The following CATSPERE variants were observed in gnomAD, a reference collection of about 807,000 sequenced individuals.
CATSPERE encodes cation channel sperm-associated auxiliary subunit epsilon.
In CATSPERE, 93 loss-of-function variants were observed where a neutral mutation model predicts 114.1. The observed-to-expected ratio is 0.81, with a 90% CI of 0.69 to 0.97. CATSPERE has a LOEUF of 0.97. CATSPERE is among the 50% of genes least tolerant of loss of function. The pLI is 0.00. For synonymous variants in CATSPERE, 341 were observed against 384.1 expected, an observed-to-expected ratio of 0.89 and a Z score of 1.31; for missense variants, 1,058 against 1,131.6, an observed-to-expected ratio of 0.93 and a Z score of 0.93.
chr1:244,482,846 T>G (rs535778046), intron 5 of CATSPERE, among the ~76,000 whole-genome samples: 1 of 152,298 alleles, frequency 6.6e-6, no homozygotes, highest in South Asian at 2.1e-4. Flanking sequence ...AATGAATGAT[T>G]CCTTGCTTTT....
At chr1:244,551,790 C>T (rs1216122455) in intron 8 of CATSPERE, among the ~76,000 whole-genome samples, 3 of 152,056 alleles carry the variant, frequency 2.0e-5, no homozygotes, top group South Asian at 2.1e-4. Flanking sequence ...TGAGGCCAGG[C>T]GCGGTGGCTC....
chr1:244,621,160 A>AT, intron 20 of CATSPERE, among the ~76,000 whole-genome samples: 4 of 111,640 alleles, frequency 3.6e-5, no homozygotes, highest in Non-Finnish European at 6.6e-5. Context: ...TATAAAATAT[A>AT]TATATTATAT....
intron 19 of CATSPERE, 117 bp downstream of exon 19, chr1:244,610,443 C>T: frequency 1.3e-6 from 1 of 743,722 alleles, no homozygotes; most frequent in South Asian, 1.5e-5. Flanking sequence ...TAAATCAAAT[C>T]CTATTTTTAT....
chr1:244,555,741 A>G (rs1481247508), intron 9 of CATSPERE, among the ~76,000 whole-genome samples: 2 of 152,260 alleles, frequency 1.3e-5, no homozygotes, highest in African/African-American at 2.4e-5. Flanking sequence ...GTTGAAGGAT[A>G]TAAAATCAGC....
rs1665047472 is a variant in CATSPERE, at chr1:244,575,160, T to C, written c.1950+2388T>C. Reference sequence around the variant, plus strand: ...TGTCTCTCCTGTTTCTTTCTGATTTTCCTTTTTACTTTCTCCCTTCCTCTC... The same window carrying C: ...TGTCTCTCCTGTTTCTTTCTGATTTCCCTTTTTACTTTCTCCCTTCCTCTC... On this transcript the variant is annotated intron_variant, in intron 11 of 21. Coordinates refer to ENST00000366534, the MANE Select transcript of CATSPERE (RefSeq NM_001130957.2). This position sits in a 1 kb window ranked among gnomAD's most constrained non-coding sequence, Gnocchi z 4.5. Among the ~76,000 whole-genome samples the C allele has an allele frequency of 6.6e-6, 1 of 152,240 alleles. No individual in the cohort carries two copies. Among genetic ancestry groups the C allele is most frequent in the Non-Finnish European group, 1.5e-5 (1 of 68,044 alleles).
chr1:244,509,963 C>G (rs1343083899), intron 7 of CATSPERE, among the ~76,000 whole-genome samples: 1 of 152,086 alleles, frequency 6.6e-6, no homozygotes, highest in East Asian at 1.9e-4. Flanking sequence ...CGAGTCTTCT[C>G]TCTTTTTTTC....
At chr1:244,536,935 GT>G (rs36070112) in intron 8 of CATSPERE, among the ~76,000 whole-genome samples, 18,362 of 150,642 alleles carry the variant, frequency 0.12, 1,845 homozygotes, top group African/African-American at 0.28. Flanking sequence ...AGTTCCAGGA[GT>G]TTTTTTTTTT....
chr1:244,529,472 A>G (rs982005496), intron 8 of CATSPERE, among the ~76,000 whole-genome samples: 1 of 152,140 alleles, frequency 6.6e-6, no homozygotes, highest in African/African-American at 2.4e-5. Context: ...TTCACCTAAG[A>G]AATGTCTATT....
intron 14 of CATSPERE, 44 bp from the exon 15 acceptor site, chr1:244,591,637 T>A (rs766946640): frequency 2.5e-6 from 3 of 1,205,180 alleles, no homozygotes; most frequent in Non-Finnish European, 2.4e-6. Context: ...TTGCAAATAT[T>A]TAAGAAATGA....
rs12043167 is a variant in CATSPERE at position 244,629,012 on chromosome 1, G to A, written c.2649-6477G>A. ...CACTCAGTTATAAGAGGCAACCCAGGTTTCATGGTTACTTGGTGTTTGGGG... is the reference window on the plus strand; with the variant it reads ...CACTCAGTTATAAGAGGCAACCCAGATTTCATGGTTACTTGGTGTTTGGGG... On this transcript the variant is annotated intron_variant, in intron 20 of 21. Transcript: ENST00000366534. 2.0e-4 allele frequency among the ~76,000 whole-genome samples: 30 copies of A among 152,278 alleles called. No homozygotes were observed. The East Asian group carries it at 4.8e-3, about 24-fold the overall frequency.
At chr1:244,459,613 A>C (rs1666474516), upstream of CATSPERE, among the ~76,000 whole-genome samples, 1 of 152,238 alleles carries the variant, frequency 6.6e-6, no homozygotes, top group Non-Finnish European at 1.5e-5. Flanking sequence ...GAAAAACTAT[A>C]GTATACAGTT....
intron 7 of CATSPERE, among the ~76,000 whole-genome samples, chr1:244,502,431 C>T (rs1355137312): frequency 6.6e-6 from 1 of 152,042 alleles, no homozygotes. Context: ...TTAATTAGAG[C>T]ATTAAGTTCG....
intron 5 of CATSPERE, among the ~76,000 whole-genome samples, chr1:244,480,641 T>TTCGATAAAACTACAG: frequency 6.6e-6 from 1 of 151,526 alleles, no homozygotes; most frequent in Non-Finnish European, 1.5e-5. Context: ...TGGTTGTTGC[T>TTCGATAAAACTACAG]GATAGTTTTA....
rs781687138 is a variant in CATSPERE, at chr1:244,461,452, T to G, written c.23T>G (p.Val8Gly). The G allele has an allele frequency of 3.6e-6, 5 of 1,376,800 alleles. No homozygotes were observed. In the Admixed American group the frequency reaches 1.5e-4, roughly 42 times the overall value. The allele number at this position is 1,376,800 out of a possible 1,614,324, so 85.3% of individuals were successfully genotyped here. Residue 8 changes from valine to glycine, a missense_variant, in exon 1 of 22, where the codon GTG (valine) becomes GGG (glycine). Val to Gly is a moderately radical substitution (Grantham distance 109). This residue lies in a region of CATSPERE where 271 missense variants were observed against 225.9 expected (regional missense o/e 1.20). Coordinates refer to ENST00000366534, the MANE Select transcript of CATSPERE (RefSeq NM_001130957.2). MSAREVA[V>G]LLLWLSCYGS... The stretch of plus-strand genomic sequence containing the variant: ...GCCATGTCAGCCCGGGAAGTGGCCG[T>G]GCTGCTGCTGTGGCTGAGCTGCTAT...
At chr1:244,529,805 GGA>G (rs1679301784) in intron 8 of CATSPERE, among the ~76,000 whole-genome samples, 2 of 152,076 alleles carry the variant, frequency 1.3e-5, no homozygotes, top group South Asian at 2.1e-4. Context: ...CCAATGTTCT[GGA>G]GAGTTTCCTA....
chr1:244,601,094 A>T (rs78975676), intron 17 of CATSPERE, among the ~76,000 whole-genome samples: 1 of 152,198 alleles, frequency 6.6e-6, no homozygotes, highest in East Asian at 1.9e-4. Flanking sequence ...TATTTTAAAA[A>T]TTTTGAAATT....
Position 244,461,506 on chromosome 1 carries a change from C to G in CATSPERE, c.65+12C>G. On this transcript the variant is annotated intron_variant, in intron 1 of 21. Transcript: ENST00000366534. Reference sequence around the variant, plus strand: ...TCCGCCCTTTGGAGGTAGAGAGACGCCAGTCGCAGGCGAGCGACTAGGCGG... The same window carrying G: ...TCCGCCCTTTGGAGGTAGAGAGACGGCAGTCGCAGGCGAGCGACTAGGCGG... The G allele has an allele frequency of 7.7e-7, 1 of 1,305,590 alleles. No homozygotes were observed. The highest frequency in any genetic ancestry group is 9.8e-7 in the Non-Finnish European group (1 of 1,017,948). The allele number at this position is 1,305,590 out of a possible 1,614,324, so 80.9% of individuals were successfully genotyped here.
At chr1:244,613,063 A>G (rs1670947115) in intron 19 of CATSPERE, among the ~76,000 whole-genome samples, 1 of 152,240 alleles carries the variant, frequency 6.6e-6, no homozygotes, top group Non-Finnish European at 1.5e-5. Context: ...CTGCATGTCT[A>G]TATACAAAAA....
chr1:244,613,909 A>G (rs1245785332), intron 19 of CATSPERE, among the ~76,000 whole-genome samples: 1 of 152,208 alleles, frequency 6.6e-6, no homozygotes, highest in African/African-American at 2.4e-5. Flanking sequence ...AGATTAGTGG[A>G]TTAATGGGAT....
Sources: allele counts gnomAD v4.1 joint callset (sites outside exome capture counted in the v4.1 genomes callset), GRCh38; gene constraint gnomAD v4.1.1; regional missense constraint gnomAD v4.1.1; non-coding constraint Gnocchi (gnomAD v3.1); transcripts MANE v1.5; gene names NCBI Gene and HGNC (gene_info 2026-07-23, HGNC 2026-07-21).